Variants in PLXDC2 observed in about 807,000 individuals in gnomAD.
PLXDC2 encodes the protein plexin domain containing 2, also known as plexin domain-containing protein 2.
In PLXDC2, 40 loss-of-function variants were observed where a neutral mutation model predicts 68.9. The observed-to-expected ratio is 0.58, with a 90% confidence interval of 0.45 to 0.76. PLXDC2 has a LOEUF of 0.76. Ranked by LOEUF, PLXDC2 falls within the 30% of genes least tolerant of loss-of-function variation. The pLI, the probability that PLXDC2 is intolerant of heterozygous loss-of-function variation, is 0.00. For synonymous variants in PLXDC2, 243 were observed against 234.2 expected (o/e 1.04, Z -0.34); for missense variants, 644 against 661.9 (o/e 0.97, Z 0.30).
At chr10:20,223,861 T>C (rs1238240569) in intron 12 of PLXDC2, among the ~76,000 whole-genome samples, 3 of 152,194 alleles carry the variant, frequency 2.0e-5, no homozygotes, top group African/African-American at 7.2e-5. Flanking sequence ...GTTACAGCTC[T>C]ATGCTCTAGT....
rs1014851844 is a variant in PLXDC2 at position 20,287,688 on chromosome 10, A to T, written c.*7869A>T. 2 of 152,096 alleles carry T rather than the reference A, an allele frequency of 1.3e-5. No individual in the cohort carries two copies. Among genetic ancestry groups the T allele is most frequent in the Non-Finnish European group, 2.9e-5 (2 of 68,016 alleles). 9.4% of individuals were successfully genotyped at this position (152,096 alleles called of 1,614,324 possible). A position where few individuals can be genotyped will look rare whatever the true frequency, so the allele number is the denominator to read the frequency against. ...ATCAGTGAAGTCTCTTTAGAAACAG[A>T]CATCTTGTGTATGGCGTAACCCAGT... is the stretch of plus-strand genomic sequence containing the variant. On this transcript the variant is annotated 3_prime_UTR_variant, in exon 14 of 14. Coordinates refer to ENST00000377252, the MANE Select transcript of PLXDC2 (RefSeq NM_032812.9).
chr10:19,943,173 A>G (rs945752216), intron 1 of PLXDC2, among the ~76,000 whole-genome samples: 4 of 152,144 alleles, frequency 2.6e-5, no homozygotes, highest in African/African-American at 7.2e-5. Context: ...GAGCTGAAGT[A>G]TGGAGTTAAC....
intron 4 of PLXDC2, among the ~76,000 whole-genome samples, chr10:20,081,376 A>G (rs572075976): frequency 6.6e-6 from 1 of 151,904 alleles, no homozygotes; most frequent in Admixed American, 6.6e-5. Context: ...TAAATACTAA[A>G]GACTAAGAAA....
At chr10:19,966,826 C>A (rs929943759) in intron 1 of PLXDC2, among the ~76,000 whole-genome samples, 3 of 151,868 alleles carry the variant, frequency 2.0e-5, no homozygotes, top group Non-Finnish European at 4.4e-5. Flanking sequence ...TTTCCCCCAG[C>A]ATGCTTCCCT....
chr10:20,278,097 G>A (rs941160767), intron 13 of PLXDC2, among the ~76,000 whole-genome samples: 2 of 152,064 alleles, frequency 1.3e-5, no homozygotes, highest in Non-Finnish European at 2.9e-5. Flanking sequence ...ATCTGTTGAT[G>A]GACACTTCAG....
At chr10:20,129,798 G>A (rs1194440574) in intron 4 of PLXDC2, among the ~76,000 whole-genome samples, 1 of 152,004 alleles carries the variant, frequency 6.6e-6, no homozygotes, top group Admixed American at 6.6e-5. Context: ...TCTTGTCATA[G>A]TTGTTGAAAA....
rs190179718 is a variant in PLXDC2 at position 19,962,647 on chromosome 10, C to T, written c.113-39128C>T. On this transcript the variant is annotated intron_variant, in intron 1 of 13. Coordinates refer to ENST00000377252, the MANE Select transcript of PLXDC2 (RefSeq NM_032812.9). ...CGTCGTGATCCGCCTGCCTCGGCCT[C>T]CCGAAGTGCTGGGATTAGGGGCGAG... Among the ~76,000 whole-genome samples the T allele has an allele frequency of 4.1e-3, 603 of 147,434 alleles. 2 individuals carry two copies. The highest frequency in any genetic ancestry group is 0.014 in the African/African-American group (567 of 40,604).
intron 1 of PLXDC2, among the ~76,000 whole-genome samples, chr10:19,836,186 CAA>C: frequency 6.6e-6 from 1 of 150,906 alleles, no homozygotes; most frequent in South Asian, 2.1e-4. Context: ...GAAAAGAAAA[CAA>C]AAAAAAGAGT....
intron 10 of PLXDC2, among the ~76,000 whole-genome samples, chr10:20,212,430 C>G (rs886111848): frequency 6.6e-6 from 1 of 152,008 alleles, no homozygotes; most frequent in Non-Finnish European, 1.5e-5. Context: ...CAATTTTAAC[C>G]CGTTTAAAAG....
chr10:19,845,417 T>G (rs1461581773), intron 1 of PLXDC2, among the ~76,000 whole-genome samples: 1 of 152,136 alleles, frequency 6.6e-6, no homozygotes, highest in African/African-American at 2.4e-5. Flanking sequence ...TTGGGATCTT[T>G]GAAAACTCTT....
chr10:19,956,181 A>G (rs1834066009), intron 1 of PLXDC2, among the ~76,000 whole-genome samples: 1 of 152,126 alleles, frequency 6.6e-6, no homozygotes, highest in Admixed American at 6.6e-5. Context: ...TGTTTCTGTA[A>G]TCTCCACAGC....
chr10:19,876,251 T>C (rs995042669), intron 1 of PLXDC2, among the ~76,000 whole-genome samples: 4 of 152,170 alleles, frequency 2.6e-5, no homozygotes, highest in Admixed American at 6.5e-5. Flanking sequence ...TCTTTGAAAT[T>C]GATTTGAAAC....
At chr10:20,253,839 A>G (rs1458765789) in intron 13 of PLXDC2, among the ~76,000 whole-genome samples, 1 of 152,224 alleles carries the variant, frequency 6.6e-6, no homozygotes, top group East Asian at 1.9e-4. Flanking sequence ...ACGTTTCAAA[A>G]GGTGATTCAT....
At chr10:19,987,705 G>A (rs1478906045) in intron 1 of PLXDC2, among the ~76,000 whole-genome samples, 2 of 151,768 alleles carry the variant, frequency 1.3e-5, no homozygotes, top group East Asian at 1.9e-4. Flanking sequence ...GGGACTATAG[G>A]CGCCCGCCAC....
chr10:20,086,245 G>T (rs906417516), intron 4 of PLXDC2, among the ~76,000 whole-genome samples: 1 of 152,086 alleles, frequency 6.6e-6, no homozygotes, highest in Non-Finnish European at 1.5e-5. Context: ...CTGCAGCCTC[G>T]ACCTCCTGGA....
At chr10:20,228,700 C>A (rs978899187) in intron 12 of PLXDC2, among the ~76,000 whole-genome samples, 18 of 150,966 alleles carry the variant, frequency 1.2e-4, no homozygotes, top group African/African-American at 4.4e-4. Context: ...GAGGGAGGGC[C>A]AAAGACTAGA....
At chr10:20,062,795 G>C (rs1390066659) in intron 3 of PLXDC2, among the ~76,000 whole-genome samples, 1 of 151,878 alleles carries the variant, frequency 6.6e-6, no homozygotes, top group Non-Finnish European at 1.5e-5. Flanking sequence ...ATTTATTATA[G>C]GTATATGGTG....
chr10:19,851,619 C>T (rs1270243697), intron 1 of PLXDC2, among the ~76,000 whole-genome samples: 2 of 152,166 alleles, frequency 1.3e-5, no homozygotes, highest in Non-Finnish European at 1.5e-5. Context: ...AATCTTGGCT[C>T]ACTGCAACCT....
intron 4 of PLXDC2, among the ~76,000 whole-genome samples, chr10:20,107,988 A>C (rs1833513541): frequency 6.6e-6 from 1 of 152,206 alleles, no homozygotes; most frequent in African/African-American, 2.4e-5. Flanking sequence ...TCAGATACAA[A>C]TTAAATATTG....
Sources: gnomAD v4.1 joint callset for allele counts (sites outside exome capture counted in the v4.1 genomes callset) on GRCh38, gnomAD v4.1.1 for gene constraint, MANE v1.5 for transcripts, NCBI Gene and HGNC (gene_info 2026-07-23, HGNC 2026-07-21) for gene names.